Variants in ZNF93 observed in about 807,000 individuals in gnomAD.
ZNF93 encodes zinc finger protein 93, also known as zinc finger protein 505.
A neutral mutation model predicts 45.0 loss-of-function variants in ZNF93; 29 were observed. The ratio of observed to expected loss-of-function variants is 0.64; its 90% CI spans 0.48 to 0.88. The LOEUF is 0.88. ZNF93 is among the 40% of genes least tolerant of loss of function. The pLI, the probability that ZNF93 is intolerant of heterozygous loss-of-function variation, is 0.00. For missense variants in ZNF93, 578 were observed against 724.0 expected, an observed-to-expected ratio of 0.80 and a Z score of 2.31; for synonymous variants, 223 against 244.6, an observed-to-expected ratio of 0.91 and a Z score of 0.82.
At chr19:19,930,839 A>G (rs915648813) in intron 3 of ZNF93, among the ~76,000 whole-genome samples, 1 of 152,156 alleles carries the variant, frequency 6.6e-6, no homozygotes, top group Non-Finnish European at 1.5e-5. Context: ...CTTATCTTAT[A>G]TTTTATTATG....
intron 3 of ZNF93, among the ~76,000 whole-genome samples, chr19:19,924,201 C>G (rs551959114): frequency 1.3e-5 from 2 of 152,160 alleles, no homozygotes; most frequent in African/African-American, 4.8e-5. Flanking sequence ...AATTGTCCTG[C>G]CTCAGCCTCC....
chr19:19,904,827 A>C (rs1364694530), intron 1 of ZNF93, among the ~76,000 whole-genome samples: 2 of 152,148 alleles, frequency 1.3e-5, no homozygotes, highest in Non-Finnish European at 2.9e-5. Context: ...AGCTCTGATG[A>C]CAGACTCCCT....
chr19:19,933,421 A>C lies in ZNF93; in HGVS notation c.466A>C (p.Lys156Gln), dbSNP rs768319731. ...TGATAAATATGGGAAAGTCTTTCAT[A>C]AATTTTCAAATTCAAATAGACATAA... is the stretch of plus-strand genomic sequence containing the variant. The part of the protein sequence containing the change: ...QCDKYGKVFH[K>Q]FSNSNRHNIR... Residue 156 changes from lysine to glutamine, a missense_variant, in exon 4 of 4, where the codon AAA (lysine) becomes CAA (glutamine). By Grantham distance (53) the Lys-to-Gln change is moderately conservative. Transcript: ENST00000343769. The C allele has an allele frequency of 1.3e-6, 2 of 1,595,852 alleles. No individual in the cohort carries two copies. The highest frequency in any genetic ancestry group is 2.3e-5 in the South Asian group (2 of 87,746).
chr19:19,917,881 CTTTTTACTTA>C (rs891817759), intron 3 of ZNF93, among the ~76,000 whole-genome samples: 1 of 152,016 alleles, frequency 6.6e-6, no homozygotes, highest in Non-Finnish European at 1.5e-5. Flanking sequence ...CAAACAGCAA[CTTTTTACTTA>C]TTTTTCTTCA....
At chr19:19,919,227 T>C (rs1459393794) in intron 3 of ZNF93, among the ~76,000 whole-genome samples, 1 of 152,252 alleles carries the variant, frequency 6.6e-6, no homozygotes, top group Non-Finnish European at 1.5e-5. Context: ...CCCCATTTCT[T>C]GTTTTTGTCA....
At chr19:19,907,220 TA>T in intron 1 of ZNF93, among the ~76,000 whole-genome samples, 2 of 152,200 alleles carry the variant, frequency 1.3e-5, no homozygotes, top group Middle Eastern at 3.4e-3. Flanking sequence ...TCCTTCAAAG[TA>T]GACACAGATT....
intron 3 of ZNF93, among the ~76,000 whole-genome samples, chr19:19,918,252 C>T (rs1795114499): frequency 6.6e-6 from 1 of 152,138 alleles, no homozygotes; most frequent in Non-Finnish European, 1.5e-5. Context: ...TTTCCAGCTT[C>T]ATCCATGTCC....
intron 3 of ZNF93, among the ~76,000 whole-genome samples, chr19:19,929,910 C>T (rs2063367773): frequency 7.8e-6 from 1 of 128,236 alleles, no homozygotes; most frequent in Non-Finnish European, 1.6e-5. Context: ...TGCACTCCAG[C>T]CTGGGCAACA....
At position 19,904,503 on chromosome 19, in the gene ZNF93, T is replaced by TG. The variant is rs1377395381; in HGVS notation, c.3+3416dup. On this transcript the variant is annotated intron_variant, in intron 1 of 3. Transcript: ENST00000343769. ...CAGCTCAGAAGCATAGATGGGCCCA[T>TG]GGGGTTTGTGTCTGGCATCTGCAGT... 2.6e-5 allele frequency among the ~76,000 whole-genome samples: 4 copies of TG among 152,180 alleles called. No homozygotes were observed. In the East Asian group the frequency reaches 7.7e-4, roughly 29 times the overall value.
At chr19:19,922,697 A>C (rs1332846296) in intron 3 of ZNF93, among the ~76,000 whole-genome samples, 1 of 152,118 alleles carries the variant, frequency 6.6e-6, no homozygotes, top group Non-Finnish European at 1.5e-5. Context: ...TTGATCATCC[A>C]TCACTGACAC....
chr19:19,903,730 A>G (rs912208664), intron 1 of ZNF93, among the ~76,000 whole-genome samples: 1 of 151,822 alleles, frequency 6.6e-6, no homozygotes, highest in Non-Finnish European at 1.5e-5. Context: ...AAGCCACAGC[A>G]CTCCAGCTTG....
chr19:19,905,532 AG>A (rs1486037347), intron 1 of ZNF93, among the ~76,000 whole-genome samples: 2 of 152,110 alleles, frequency 1.3e-5, no homozygotes, highest in Admixed American at 6.5e-5. Flanking sequence ...GTTATTGCAA[AG>A]AACATGATTT....
chr19:19,930,287 C>G (rs548350966), intron 3 of ZNF93, among the ~76,000 whole-genome samples: 121 of 152,264 alleles, frequency 7.9e-4, no homozygotes, highest in Admixed American at 1.4e-3. Context: ...TTTTGCTACT[C>G]TTATCTAAAA....
chr19:19,927,745 C>T (rs931019297), intron 3 of ZNF93, among the ~76,000 whole-genome samples: 4 of 152,110 alleles, frequency 2.6e-5, no homozygotes, highest in Admixed American at 6.6e-5. Flanking sequence ...AGCCTATTGG[C>T]TTTTGTGAAT....
intron 2 of ZNF93, among the ~76,000 whole-genome samples, 192 bp from the exon 3 acceptor site, chr19:19,916,368 G>T (rs1165901497): frequency 6.6e-6 from 1 of 152,120 alleles, no homozygotes; most frequent in Non-Finnish European, 1.5e-5. Flanking sequence ...AAATTGCTGG[G>T]ATCACAGGCG....
intron 1 of ZNF93, among the ~76,000 whole-genome samples, chr19:19,906,136 C>T (rs979523194): frequency 1.2e-4 from 18 of 152,152 alleles, no homozygotes; most frequent in African/African-American, 3.9e-4. Flanking sequence ...AACTAATTTA[C>T]ACTCCCACCA....
intron 1 of ZNF93, among the ~76,000 whole-genome samples, chr19:19,907,004 CA>C (rs1014436426): frequency 1.3e-5 from 2 of 149,842 alleles, no homozygotes; most frequent in Non-Finnish European, 3.0e-5. Context: ...AAAAAGTTCC[CA>C]AAAAAATTTT....
At position 19,902,861 on chromosome 19, in the gene ZNF93, C is replaced by G. The variant is rs1042244282; in HGVS notation, c.3+1770C>G. On this transcript the variant is annotated intron_variant, in intron 1 of 3. Coordinates refer to ENST00000343769, the MANE Select transcript of ZNF93 (RefSeq NM_031218.4). ...ACGCCATTCTCCTGCCTGAGCCTCC[C>G]GAGTAGCTGGGACTACAGGCACCCA... Among the ~76,000 whole-genome samples the G allele has an allele frequency of 2.0e-4, 30 of 151,566 alleles. 1 individual carries two copies. The highest frequency in any genetic ancestry group is 1.7e-4 in the African/African-American group (7 of 41,256).
chr19:19,913,722 A>T (rs1188139328), intron 1 of ZNF93, among the ~76,000 whole-genome samples: 1 of 152,172 alleles, frequency 6.6e-6, no homozygotes, highest in East Asian at 1.9e-4. Context: ...TCATGCTAGC[A>T]GGTAAACATG....
Sources: allele counts gnomAD v4.1 joint callset (sites outside exome capture counted in the v4.1 genomes callset), GRCh38; gene constraint gnomAD v4.1.1; transcripts MANE v1.5; gene names NCBI Gene and HGNC (gene_info 2026-07-23, HGNC 2026-07-21).